The following TMEM132B variants were observed in gnomAD, a reference collection of about 807,000 sequenced individuals.
TMEM132B encodes the protein transmembrane protein 132B.
In TMEM132B, 18 loss-of-function variants were observed where a neutral mutation model predicts 90.8. The observed-to-expected ratio is 0.20, with a 90% CI of 0.14 to 0.29. The LOEUF (loss-of-function observed/expected upper bound fraction) is 0.29, where lower values mean the gene tolerates loss of function less well. Among genes scored for constraint, TMEM132B ranks in the 10% least tolerant of loss-of-function variants. The pLI is 1.00. For synonymous variants in TMEM132B, 504 were observed against 523.3 expected, an observed-to-expected ratio of 0.96 and a Z score of 0.50; for missense variants, 1,096 against 1,326.8, an observed-to-expected ratio of 0.83 and a Z score of 2.70.
At chr12:125,635,911 T>C (rs967742533) in intron 5 of TMEM132B, among the ~76,000 whole-genome samples, 2 of 152,118 alleles carry the variant, frequency 1.3e-5, no homozygotes, top group African/African-American at 4.8e-5. Flanking sequence ...TTTGGTATGG[T>C]TTCTCTTTCT....
intron 1 of TMEM132B, among the ~76,000 whole-genome samples, chr12:125,284,675 G>GT (rs1385900181): frequency 6.6e-6 from 1 of 152,010 alleles, no homozygotes; most frequent in African/African-American, 2.4e-5. Flanking sequence ...TCGCTTCTGC[G>GT]TTTTTTTTAT....
intron 3 of TMEM132B, among the ~76,000 whole-genome samples, chr12:125,518,793 T>G (rs199925633): frequency 0.061 from 9,241 of 151,962 alleles, 392 homozygotes; most frequent in Middle Eastern, 0.13. Flanking sequence ...CAGGTGGGAT[T>G]TTTTTACATT....
At chr12:125,232,626 T>G (rs917977858) in intron 1 of TMEM132B, among the ~76,000 whole-genome samples, 1 of 152,190 alleles carries the variant, frequency 6.6e-6, no homozygotes, top group Non-Finnish European at 1.5e-5. Context: ...CAGACAGGGA[T>G]GTGCTATAAA....
intron 1 of TMEM132B, among the ~76,000 whole-genome samples, chr12:125,325,314 A>G (rs918805323): frequency 6.6e-6 from 1 of 152,154 alleles, no homozygotes; most frequent in African/African-American, 2.4e-5. Flanking sequence ...ATGCATGGCC[A>G]TGGGAGCAGC....
chr12:125,329,219 T>G (rs560308155), intron 1 of TMEM132B, among the ~76,000 whole-genome samples: 1 of 152,224 alleles, frequency 6.6e-6, no homozygotes, highest in Non-Finnish European at 1.5e-5. Context: ...GAAGAAGGCA[T>G]GCACCAGACA....
At chr12:125,436,819 A>C (rs2009880) in intron 3 of TMEM132B, among the ~76,000 whole-genome samples, 82,424 of 151,942 alleles carry the variant, frequency 0.54, 24,037 homozygotes, top group African/African-American at 0.77. Flanking sequence ...GGAACATAGA[A>C]CTATGGCTGA....
In TMEM132B at chr12:125,458,001, G is replaced by C. The variant is rs1881339398; in HGVS notation, c.1106+42324G>C. 6.6e-6 allele frequency among the ~76,000 whole-genome samples: 1 copy of C among 152,138 alleles called. No homozygotes were observed. Among genetic ancestry groups the C allele is most frequent in the Non-Finnish European group, 1.5e-5 (1 of 68,008 alleles). On this transcript the variant is annotated intron_variant, in intron 3 of 8. Coordinates refer to ENST00000682704, the MANE Select transcript of TMEM132B (RefSeq NM_001366854.1). This position sits in a 1 kb window ranked among gnomAD's most constrained non-coding sequence, Gnocchi z 4.9. ...TAAGGATTAAACAGAGCTGTATCAG[G>C]ATGGGGTGTACGTCTCAGGTGATCC...
At chr12:125,481,289 T>G (rs570123093) in intron 3 of TMEM132B, among the ~76,000 whole-genome samples, 7 of 152,298 alleles carry the variant, frequency 4.6e-5, no homozygotes, top group African/African-American at 1.7e-4. Flanking sequence ...GAAAGGGTAT[T>G]CAATTAGGAA....
At chr12:125,332,329 G>A (rs1001565348) in intron 1 of TMEM132B, among the ~76,000 whole-genome samples, 9 of 152,194 alleles carry the variant, frequency 5.9e-5, no homozygotes, top group South Asian at 2.1e-4. Flanking sequence ...TGTGATAACT[G>A]CCAGCCAATT....
At chr12:125,522,932 G>A (rs1489123585) in intron 4 of TMEM132B, among the ~76,000 whole-genome samples, 1 of 152,204 alleles carries the variant, frequency 6.6e-6, no homozygotes, top group Admixed American at 6.5e-5. Flanking sequence ...TGAACTTGGA[G>A]CTGAGAGGCC....
intron 1 of TMEM132B, among the ~76,000 whole-genome samples, chr12:125,316,456 T>A (rs1279470785): frequency 6.6e-6 from 1 of 152,210 alleles, no homozygotes; most frequent in African/African-American, 2.4e-5. Flanking sequence ...AGCTAAAGGG[T>A]TCTTTTCTTT....
intron 4 of TMEM132B, among the ~76,000 whole-genome samples, chr12:125,536,181 C>T (rs751305089): frequency 5.3e-5 from 8 of 152,188 alleles, no homozygotes; most frequent in Non-Finnish European, 1.2e-4. Flanking sequence ...TGGCTGAATC[C>T]GCACATAGTT....
rs1882999203 is a variant in TMEM132B, at chr12:125,512,183, G to C, written c.1107-7256G>C. Among the ~76,000 whole-genome samples, 4 of 152,192 alleles carry C rather than the reference G, an allele frequency of 2.6e-5. No homozygotes were observed. The South Asian group carries it at 8.3e-4, about 31-fold the overall frequency. ...CGCAGGGACTTGGGGGACATGATAA[G>C]TGAGTAAAGTGGCTCAGGCCTATTG... On this transcript the variant is annotated intron_variant, in intron 3 of 8. Transcript: ENST00000682704.
intron 1 of TMEM132B, among the ~76,000 whole-genome samples, chr12:125,336,865 G>A (rs966413891): frequency 6.6e-6 from 1 of 152,192 alleles, no homozygotes; most frequent in African/African-American, 2.4e-5. Context: ...TCACACAGTG[G>A]CAGAGCTGTC....
chr12:125,619,466 G>A lies in TMEM132B; in HGVS notation c.1438-24610G>A, dbSNP rs1036927871. Among the ~76,000 whole-genome samples, 19 of 152,174 alleles carry A rather than the reference G, an allele frequency of 1.2e-4. 1 individual carries two copies. The highest frequency in any genetic ancestry group is 4.6e-4 in the African/African-American group (19 of 41,518). On this transcript the variant is annotated intron_variant, in intron 5 of 8. Transcript: ENST00000682704. ...TGCAACTTCTGCCTCCCGGGTTCAA[G>A]CAATTCTTTTGCCTCAGTCTCCCAA...
rs931011017 is a variant in TMEM132B at position 125,662,045 on chromosome 12, C to T, written c.*7335C>T. 1 of 152,256 alleles carries T rather than the reference C, an allele frequency of 6.6e-6. No homozygotes were observed. The highest frequency in any genetic ancestry group is 1.5e-5 in the Non-Finnish European group (1 of 68,076). 9.4% of individuals were successfully genotyped at this position (152,256 alleles called of 1,614,324 possible). ...AACATAGTGAGTGGCCAAACCTACA[C>T]AGCCCAGCCAGTAGTGTGCTTTGGG... On this transcript the variant is annotated 3_prime_UTR_variant, in exon 9 of 9. Coordinates refer to ENST00000682704, the MANE Select transcript of TMEM132B (RefSeq NM_001366854.1).
chr12:125,538,943 G>T (rs1240145839), intron 4 of TMEM132B, among the ~76,000 whole-genome samples: 1 of 152,092 alleles, frequency 6.6e-6, no homozygotes. Context: ...AATATACCCA[G>T]AGTTCAACCA....
At position 125,498,420 on chromosome 12, in the gene TMEM132B, C is replaced by A. The variant is rs1390376476; in HGVS notation, c.1107-21019C>A. 6.6e-6 allele frequency among the ~76,000 whole-genome samples: 1 copy of A among 152,206 alleles called. No individual in the cohort carries two copies. The highest frequency in any genetic ancestry group is 1.5e-5 in the Non-Finnish European group (1 of 68,032). On this transcript the variant is annotated intron_variant, in intron 3 of 8. Coordinates refer to ENST00000682704, the MANE Select transcript of TMEM132B (RefSeq NM_001366854.1). The surrounding 1 kb of genome is among the most constrained non-coding windows in gnomAD (Gnocchi z 4.5). ...TTTGCTGCCCCCTTCACTTGCAGAT[C>A]AGTCAGTTAAGCAAATAGCTTTTGT...
intron 4 of TMEM132B, among the ~76,000 whole-genome samples, chr12:125,537,805 G>C (rs971153284): frequency 1.3e-5 from 2 of 152,140 alleles, no homozygotes; most frequent in African/African-American, 2.4e-5. Context: ...GGCCAACCTG[G>C]CTTCAAATAT....
Sources: allele counts gnomAD v4.1 joint callset (sites outside exome capture counted in the v4.1 genomes callset), GRCh38; gene constraint gnomAD v4.1.1; non-coding constraint Gnocchi (gnomAD v3.1); transcripts MANE v1.5; gene names NCBI Gene and HGNC (gene_info 2026-07-23, HGNC 2026-07-21).